Variants in RABGAP1 observed in about 807,000 individuals in gnomAD.
RABGAP1 encodes the protein RAB GTPase activating protein 1.
In RABGAP1, 23 loss-of-function variants were observed where a neutral mutation model predicts 137.6. The ratio of observed to expected loss-of-function variants is 0.17; its 90% CI spans 0.12 to 0.24. The LOEUF is 0.24. Among genes scored for constraint, RABGAP1 ranks in the 10% least tolerant of loss-of-function variants. The pLI, the probability that RABGAP1 is intolerant of heterozygous loss-of-function variation, is 1.00. For synonymous variants in RABGAP1, 451 were observed against 450.7 expected, an observed-to-expected ratio of 1.00 and a Z score of -0.01; for missense variants, 906 against 1,275.8, an observed-to-expected ratio of 0.71 and a Z score of 4.42.
At chr9:123,002,122 A>T (rs148175330) in intron 10 of RABGAP1, among the ~76,000 whole-genome samples, 1,648 of 152,072 alleles carry the variant, frequency 0.011, 15 homozygotes, top group Non-Finnish European at 0.019. Flanking sequence ...ACCAACATGG[A>T]GAAACCCTGT....
At position 122,957,024 on chromosome 9, in the gene RABGAP1, T is replaced by C. The variant is rs1189862163; in HGVS notation, c.-36T>C. 7.1e-7 allele frequency: 1 copy of C among 1,414,408 alleles called. No homozygotes were observed. The highest frequency in any genetic ancestry group is 9.4e-7 in the Non-Finnish European group (1 of 1,066,202). 87.6% of individuals were successfully genotyped at this position (1,414,408 alleles called of 1,614,324 possible). ...TTTGTTTTTCAGGCATTAAAAAATA[T>C]TTAATCATTCATGTGTTGAGACTCA... On this transcript the variant is annotated 5_prime_UTR_variant, in exon 2 of 26. Coordinates refer to ENST00000373647, the MANE Select transcript of RABGAP1 (RefSeq NM_012197.4).
At chr9:122,960,895 CACTT>C (rs1413242123) in intron 2 of RABGAP1, among the ~76,000 whole-genome samples, 1 of 152,054 alleles carries the variant, frequency 6.6e-6, no homozygotes, top group East Asian at 1.9e-4. Flanking sequence ...ATGAAAAACT[CACTT>C]GAGGGCACAA....
rs1372974852 is a variant in RABGAP1, at chr9:123,070,745, G to A, written c.1983+321G>A. Among the ~76,000 whole-genome samples the A allele has an allele frequency of 2.0e-5, 3 of 152,140 alleles. No individual in the cohort carries two copies. The highest frequency in any genetic ancestry group is 7.2e-5 in the African/African-American group (3 of 41,440). ...AAAGTAGCCGCTGTCATTAATACTT[G>A]TTTTGAGATTTAGGTATTGGGGTAG... On this transcript the variant is annotated intron_variant, in intron 15 of 25. Coordinates refer to ENST00000373647, the MANE Select transcript of RABGAP1 (RefSeq NM_012197.4). The surrounding 1 kb of genome is among the most constrained non-coding windows in gnomAD (Gnocchi z 4.4).
intron 2 of RABGAP1, among the ~76,000 whole-genome samples, chr9:122,961,425 A>G (rs571671707): frequency 6.6e-6 from 1 of 152,338 alleles, no homozygotes; most frequent in South Asian, 2.1e-4. Flanking sequence ...ATGTCCAGCA[A>G]AGCTATTATT....
chr9:123,081,032 C>T (rs1445137644), intron 19 of RABGAP1, among the ~76,000 whole-genome samples: 1 of 152,186 alleles, frequency 6.6e-6, no homozygotes, highest in African/African-American at 2.4e-5. Context: ...CTTCCTCCTC[C>T]TCCTCAGCCT....
chr9:123,009,373 A>C (rs1428427140), intron 10 of RABGAP1, among the ~76,000 whole-genome samples: 1 of 152,228 alleles, frequency 6.6e-6, no homozygotes, highest in Non-Finnish European at 1.5e-5. Context: ...TGAACATTGC[A>C]ATGATAAAAA....
At chr9:123,012,935 AT>A (rs1252830836) in intron 11 of RABGAP1, among the ~76,000 whole-genome samples, 1 of 152,182 alleles carries the variant, frequency 6.6e-6, no homozygotes, top group Admixed American at 6.6e-5. Flanking sequence ...AAATGATTAC[AT>A]TTCTCTCGAG....
Position 123,097,836 on chromosome 9 carries a change from G to A in RABGAP1, c.2724G>A (p.Glu908=), listed in dbSNP as rs1588414562. The A allele has an allele frequency of 1.2e-6, 2 of 1,613,218 alleles. No individual in the cohort carries two copies. The highest frequency in any genetic ancestry group is 4.5e-5 in the East Asian group (2 of 44,838). ...AAGAGAAAAGACGGCTGGAAGAAGA[G>A]TCTGCTCAGGTAAGGGAACTCTCCC... ...AEEEKRRLEE[E]SAQLKEMCRR... The change falls in exon 22 of 26, where the codon GAG becomes GAA. Residue 908 remains glutamate, a synonymous_variant. Coordinates refer to ENST00000373647, the MANE Select transcript of RABGAP1 (RefSeq NM_012197.4).
chr9:123,078,837 TC>T (rs772102244), intron 19 of RABGAP1, among the ~76,000 whole-genome samples: 2 of 152,150 alleles, frequency 1.3e-5, no homozygotes, highest in African/African-American at 4.8e-5. Flanking sequence ...ATTATTAACA[TC>T]CTAATCTAAC....
intron 3 of RABGAP1, 115 bp from the exon 4 acceptor site, chr9:122,986,100 C>G: frequency 1.1e-6 from 1 of 901,728 alleles, no homozygotes; most frequent in Non-Finnish European, 1.7e-6. Flanking sequence ...GGCATATTGT[C>G]TCATTAATAC....
chr9:123,003,305 A>G (rs961120959), intron 10 of RABGAP1, among the ~76,000 whole-genome samples: 1 of 152,220 alleles, frequency 6.6e-6, no homozygotes, highest in Admixed American at 6.5e-5. Flanking sequence ...AAAGATATTT[A>G]GCAGTAGATT....
intron 10 of RABGAP1, among the ~76,000 whole-genome samples, chr9:123,000,918 A>C (rs1413810855): frequency 1.3e-5 from 2 of 152,106 alleles, no homozygotes; most frequent in Non-Finnish European, 2.9e-5. Flanking sequence ...ACTTTTCTGC[A>C]TAAAACCCTC....
chr9:123,018,575 GGCTATA>G (rs1564136392), intron 12 of RABGAP1, among the ~76,000 whole-genome samples: 1 of 152,280 alleles, frequency 6.6e-6, no homozygotes, highest in East Asian at 1.9e-4. Flanking sequence ...GTGGCCCACA[GGCTATA>G]GCATACCAGG....
intron 10 of RABGAP1, among the ~76,000 whole-genome samples, chr9:123,000,347 T>C (rs1464883475): frequency 6.6e-6 from 1 of 152,140 alleles, no homozygotes; most frequent in Admixed American, 6.5e-5. Context: ...TTCCAATCTT[T>C]TACTCTTTTT....
At chr9:123,088,792 C>T (rs190650433) in intron 19 of RABGAP1, among the ~76,000 whole-genome samples, 2 of 152,188 alleles carry the variant, frequency 1.3e-5, no homozygotes, top group East Asian at 1.9e-4. Flanking sequence ...AAGCCTGTTA[C>T]CTAGAAGGAA....
At chr9:123,055,131 TCTC>T (rs1397177461) in intron 13 of RABGAP1, among the ~76,000 whole-genome samples, 15 of 152,204 alleles carry the variant, frequency 9.9e-5, no homozygotes, top group Admixed American at 6.5e-4. Context: ...ATTTGTCTCT[TCTC>T]CTCCATTTAT....
intron 13 of RABGAP1, chr9:123,029,829 C>A: frequency 2.4e-6 from 1 of 408,408 alleles, no homozygotes; most frequent in Non-Finnish European, 4.6e-6. Context: ...TCATTTTTAC[C>A]AAATAATAAG....
chr9:123,055,313 C>G (rs190012934), intron 13 of RABGAP1, among the ~76,000 whole-genome samples: 2 of 152,186 alleles, frequency 1.3e-5, no homozygotes, highest in Non-Finnish European at 2.9e-5. Context: ...CACCTCAGCC[C>G]CCTGAGTAGC....
chr9:122,998,545 A>G, intron 9 of RABGAP1, 52 bp from the exon 10 acceptor site: 1 of 1,304,186 alleles, frequency 7.7e-7, no homozygotes, highest in Non-Finnish European at 1.0e-6. Flanking sequence ...TTATGAGCAA[A>G]TATATTTGTG....
Sources: allele counts gnomAD v4.1 joint callset (sites outside exome capture counted in the v4.1 genomes callset), GRCh38; gene constraint gnomAD v4.1.1; non-coding constraint Gnocchi (gnomAD v3.1); transcripts MANE v1.5; gene names NCBI Gene and HGNC (gene_info 2026-07-23, HGNC 2026-07-21).